The following RARB variants were observed in gnomAD, a reference collection of about 807,000 sequenced individuals.
RARB encodes retinoic acid receptor beta.
Under a neutral mutation model 51.9 loss-of-function variants are expected in RARB, and 17 were observed. That is an observed-to-expected ratio of 0.33 (90% confidence interval 0.22 to 0.49). The LOEUF (loss-of-function observed/expected upper bound fraction) is 0.49, where lower values mean the gene tolerates loss of function less well. Among genes scored for constraint, RARB ranks in the 20% least tolerant of loss-of-function variants. RARB has a pLI of 0.99. For missense variants in RARB, 369 were observed against 550.8 expected (o/e 0.67, Z 3.30); for synonymous variants, 215 against 195.4 (o/e 1.10, Z -0.84).
rs1874055 is a variant in RARB at position 24,959,536 on chromosome 3, G to C, written c.-379-100589G>C. ...AGTGGGGCGGGGTAGGCCAGGAGTA[G>C]TTTTGGAAAAAGCAGCATTCTAGTG... On this transcript the variant is annotated intron_variant, in intron 2 of 11. Coordinates refer to the RARB transcript ENST00000383772. 8.5e-3 allele frequency among the ~76,000 whole-genome samples: 1,287 copies of C among 152,268 alleles called. 16 individuals carry two copies. Among genetic ancestry groups the C allele is most frequent in the African/African-American group, 0.029 (1,201 of 41,554 alleles).
chr3:24,917,530 G>A (rs775049756), intron 2 of RARB, among the ~76,000 whole-genome samples: 1 of 152,132 alleles, frequency 6.6e-6, no homozygotes, highest in African/African-American at 2.4e-5. Context: ...ATAAAAATAT[G>A]CTCAATGTCA....
chr3:25,235,402 A>C (rs552357784), intron 5 of RARB, among the ~76,000 whole-genome samples: 1 of 152,290 alleles, frequency 6.6e-6, no homozygotes, highest in South Asian at 2.1e-4. Context: ...TAGATTCAGA[A>C]TTTGGGGGAT....
At chr3:25,099,914 GC>G (rs1309163198) in intron 3 of RARB, among the ~76,000 whole-genome samples, 4 of 152,160 alleles carry the variant, frequency 2.6e-5, no homozygotes, top group Non-Finnish European at 5.9e-5. Flanking sequence ...GTTCGTAAAT[GC>G]TTTTCCTTAT....
At chr3:25,238,855 T>C (rs1702365025) in intron 5 of RARB, among the ~76,000 whole-genome samples, 1 of 152,076 alleles carries the variant, frequency 6.6e-6, no homozygotes, top group Admixed American at 6.6e-5. Context: ...GGCGCGTGCC[T>C]GTAGTCCCAG....
chr3:25,033,467 C>G (rs1697916104), intron 2 of RARB, among the ~76,000 whole-genome samples: 1 of 152,164 alleles, frequency 6.6e-6, no homozygotes, highest in African/African-American at 2.4e-5. Context: ...CACCTCCAGT[C>G]CCTGAAATGG....
Position 25,597,919 on chromosome 3 carries a change from A to ATATT in RARB, c.*1309_*1312dup, listed in dbSNP as rs1016398371. On this transcript the variant is annotated 3_prime_UTR_variant, in exon 8 of 8. Coordinates refer to ENST00000330688, the MANE Select transcript of RARB (RefSeq NM_000965.5). Reference sequence around the variant, plus strand: ...GGAGTCTCCTGGCAAAGAATAAAATATATTTATTTTAAAGGTGTGTGGGAG... The same window carrying ATATT: ...GGAGTCTCCTGGCAAAGAATAAAATATATTTATTTATTTTAAAGGTGTGTGGGAG... The ATATT allele has an allele frequency of 7.9e-4, 122 of 154,042 alleles. No individual in the cohort carries two copies. The highest frequency in any genetic ancestry group is 7.4e-4 in the Non-Finnish European group (51 of 69,056). 9.5% of individuals were successfully genotyped at this position (154,042 alleles called of 1,614,324 possible).
intron 5 of RARB, among the ~76,000 whole-genome samples, chr3:25,305,653 A>G (rs1263920833): frequency 1.3e-5 from 2 of 152,104 alleles, no homozygotes; most frequent in South Asian, 2.1e-4. Context: ...GCTGGCTGTC[A>G]TATCTGTCAC....
chr3:24,868,592 G>A (rs2125347505), intron 2 of RARB, among the ~76,000 whole-genome samples: 1 of 152,212 alleles, frequency 6.6e-6, no homozygotes, highest in Non-Finnish European at 1.5e-5. Flanking sequence ...AGGTGGGTGT[G>A]GTTGGACTTG....
intron 5 of RARB, among the ~76,000 whole-genome samples, chr3:25,359,781 G>C (rs1217437699): frequency 1.3e-5 from 2 of 152,102 alleles, no homozygotes; most frequent in Admixed American, 6.6e-5. Context: ...GTTGTTATGA[G>C]GTTTTGAGTG....
At chr3:25,218,612 A>G (rs142702324) in intron 5 of RARB, among the ~76,000 whole-genome samples, 27 of 152,292 alleles carry the variant, frequency 1.8e-4, no homozygotes, top group African/African-American at 6.5e-4. Context: ...ACCCTCAGGA[A>G]ACAAAAAACT....
intron 3 of RARB, among the ~76,000 whole-genome samples, chr3:25,091,578 T>C (rs983869565): frequency 1.3e-5 from 2 of 152,164 alleles, no homozygotes; most frequent in African/African-American, 4.8e-5. Flanking sequence ...TCGGTTTGTT[T>C]AGGGTATTTT....
intron 2 of RARB, among the ~76,000 whole-genome samples, chr3:24,999,394 G>T (rs2125274131): frequency 6.6e-6 from 1 of 152,210 alleles, no homozygotes; most frequent in African/African-American, 2.4e-5. Flanking sequence ...GTTTGGGGAG[G>T]ATGCCTCAAA....
At chr3:25,150,650 C>A (rs1426650558) in intron 4 of RARB, among the ~76,000 whole-genome samples, 1 of 152,108 alleles carries the variant, frequency 6.6e-6, no homozygotes. Context: ...GAGAACAGCC[C>A]CAGGTTAGAT....
chr3:25,222,724 G>C (rs1701974106), intron 5 of RARB, among the ~76,000 whole-genome samples: 2 of 152,144 alleles, frequency 1.3e-5, no homozygotes, highest in Non-Finnish European at 2.9e-5. Context: ...TTGTATAAGA[G>C]ATGCTAAGAA....
intron 2 of RARB, among the ~76,000 whole-genome samples, chr3:24,902,164 A>G (rs973450166): frequency 1.3e-5 from 2 of 152,190 alleles, no homozygotes; most frequent in Admixed American, 6.6e-5. Flanking sequence ...TGGCTTGTCC[A>G]CATTCCTACG....
At chr3:25,096,733 G>GCAT in intron 3 of RARB, among the ~76,000 whole-genome samples, 1 of 152,108 alleles carries the variant, frequency 6.6e-6, no homozygotes, top group Non-Finnish European at 1.5e-5. Flanking sequence ...ATCTCAAGAT[G>GCAT]ATTAATCTGG....
intron 2 of RARB, among the ~76,000 whole-genome samples, chr3:24,950,937 C>G (rs988110142): frequency 6.6e-6 from 1 of 152,138 alleles, no homozygotes; most frequent in Non-Finnish European, 1.5e-5. Flanking sequence ...GGAATCTGGT[C>G]AACACTTCTA....
chr3:25,327,468 G>A (rs184168529), intron 5 of RARB, among the ~76,000 whole-genome samples: 215 of 152,170 alleles, frequency 1.4e-3, no homozygotes, highest in African/African-American at 4.8e-3. Flanking sequence ...AAACAAAAAG[G>A]CAATATTTTT....
intron 5 of RARB, among the ~76,000 whole-genome samples, chr3:25,396,319 C>A (rs1490798941): frequency 6.6e-6 from 1 of 152,204 alleles, no homozygotes; most frequent in Non-Finnish European, 1.5e-5. Context: ...GTTTAGTGTG[C>A]TGGTTTTCTT....
Sources: gnomAD v4.1 joint callset for allele counts (sites outside exome capture counted in the v4.1 genomes callset) on GRCh38, gnomAD v4.1.1 for gene constraint, MANE v1.5 for transcripts, NCBI Gene and HGNC (gene_info 2026-07-23, HGNC 2026-07-21) for gene names.